Variants in DIAPH3 observed in about 807,000 individuals in gnomAD.
DIAPH3 encodes the protein diaphanous related formin 3.
A neutral mutation model predicts 144.3 loss-of-function variants in DIAPH3; 117 were observed. That is an observed-to-expected ratio of 0.81 (90% CI 0.70 to 0.95). The LOEUF (loss-of-function observed/expected upper bound fraction) is 0.95. DIAPH3 is among the 40% of genes least tolerant of loss of function. The pLI, the probability that DIAPH3 is intolerant of heterozygous loss-of-function variation, is 0.00. For synonymous variants in DIAPH3, 519 were observed against 488.9 expected (o/e 1.06, Z -0.81); for missense variants, 1,421 against 1,412.7 (o/e 1.01, Z -0.09).
chr13:59,754,860 C>T (rs4886193), intron 27 of DIAPH3, among the ~76,000 whole-genome samples: 52,267 of 151,888 alleles, frequency 0.34, 9,444 homozygotes, highest in African/African-American at 0.44. Flanking sequence ...TCATGCATTA[C>T]TGGATTTTAA....
intron 3 of DIAPH3, among the ~76,000 whole-genome samples, chr13:60,104,358 G>A (rs1228772780): frequency 6.6e-6 from 1 of 151,946 alleles, no homozygotes; most frequent in African/African-American, 2.4e-5. Flanking sequence ...GTAGACACTG[G>A]ATTACTCAAT....
intron 3 of DIAPH3, among the ~76,000 whole-genome samples, chr13:60,103,958 A>C (rs1045996609): frequency 3.9e-5 from 6 of 152,222 alleles, no homozygotes; most frequent in African/African-American, 1.4e-4. Flanking sequence ...TGAATGGCTT[A>C]GTGCCAAATA....
In DIAPH3 at chr13:59,975,315, G is replaced by A. The variant is rs138676777; in HGVS notation, c.1546-859C>T. On this transcript the variant is annotated intron_variant, in intron 14 of 27. Transcript: ENST00000400324. Reference sequence around the variant, plus strand: ...AATAACAACAATGTAGAACTCCACCGTTTACAAAGGGATTTTATTTTTACT... The same window carrying A: ...AATAACAACAATGTAGAACTCCACCATTTACAAAGGGATTTTATTTTTACT... Among the ~76,000 whole-genome samples the A allele has an allele frequency of 1.1e-4, 16 of 151,958 alleles. No homozygotes were observed. In the South Asian group the frequency reaches 2.3e-3, roughly 22 times the overall value.
intron 25 of DIAPH3, among the ~76,000 whole-genome samples, chr13:59,802,724 G>A (rs236221): frequency 0.61 from 69,478 of 113,646 alleles, 21,370 homozygotes; most frequent in East Asian, 0.69. Flanking sequence ...GCCCAGGCCG[G>A]ACTGCGGACT....
intron 20 of DIAPH3, among the ~76,000 whole-genome samples, chr13:59,900,305 C>G (rs892072304): frequency 6.6e-6 from 1 of 152,168 alleles, no homozygotes; most frequent in African/African-American, 2.4e-5. Context: ...ATTCCATTTT[C>G]TTCCATATGA....
At chr13:59,851,645 T>TA (rs1455253620) in intron 22 of DIAPH3, among the ~76,000 whole-genome samples, 2 of 150,268 alleles carry the variant, frequency 1.3e-5, no homozygotes. Context: ...CTTTTTTTTT[T>TA]TTTTTTTTTT....
At chr13:60,122,805 TAAG>T (rs1395905563) in intron 2 of DIAPH3, among the ~76,000 whole-genome samples, 1 of 151,848 alleles carries the variant, frequency 6.6e-6, no homozygotes, top group Non-Finnish European at 1.5e-5. Flanking sequence ...TATAAGGTAA[TAAG>T]AAAAATATCC....
intron 27 of DIAPH3, among the ~76,000 whole-genome samples, chr13:59,672,252 T>A (rs762650642): frequency 6.6e-6 from 1 of 152,070 alleles, no homozygotes; most frequent in African/African-American, 2.4e-5. Context: ...TTAGTATTGA[T>A]CCCCCCTCAC....
At chr13:60,112,947 A>G (rs1432117619) in intron 2 of DIAPH3, among the ~76,000 whole-genome samples, 1 of 152,204 alleles carries the variant, frequency 6.6e-6, no homozygotes, top group Non-Finnish European at 1.5e-5. Flanking sequence ...AGACTCATAC[A>G]TTTCATGACT....
chr13:60,106,057 T>C (rs2058410260), intron 3 of DIAPH3, among the ~76,000 whole-genome samples: 1 of 152,110 alleles, frequency 6.6e-6, no homozygotes, highest in Admixed American at 6.5e-5. Context: ...TGGAATAAGC[T>C]TAGCAAGATG....
intron 20 of DIAPH3, 55 bp from the exon 21 acceptor site, chr13:59,879,523 C>T (rs571536378): frequency 4.4e-6 from 7 of 1,608,040 alleles, no homozygotes; most frequent in Non-Finnish European, 5.9e-6. Flanking sequence ...TAGTTTAGTA[C>T]TGTACGACTG....
chr13:59,881,530 A>C (rs953625465), intron 20 of DIAPH3, among the ~76,000 whole-genome samples: 4 of 152,226 alleles, frequency 2.6e-5, no homozygotes. Flanking sequence ...AAGAAAAAAG[A>C]GACTGCTTAA....
intron 17 of DIAPH3, among the ~76,000 whole-genome samples, chr13:59,953,826 A>C (rs372739196): frequency 3.4e-4 from 52 of 152,324 alleles, no homozygotes; most frequent in African/African-American, 1.1e-3. Context: ...ATTCCTCAGG[A>C]CCATAAATCT....
At position 60,044,900 on chromosome 13, in the gene DIAPH3, A is replaced by G. The variant is rs115012094; in HGVS notation, c.496-2080T>C. ...GTTCTCACGAGATCTGATGGTTTTA[A>G]AAGGGGCTTTTCCCCCACCTTCGCT... is the stretch of plus-strand genomic sequence containing the variant. On this transcript the variant is annotated intron_variant, in intron 4 of 27. Transcript: ENST00000400324. Among the ~76,000 whole-genome samples the G allele has an allele frequency of 8.3e-3, 1,262 of 152,212 alleles. 21 individuals carry two copies. The highest frequency in any genetic ancestry group is 0.028 in the African/African-American group (1,183 of 41,528).
chr13:60,151,535 T>C (rs1370636828), intron 1 of DIAPH3, among the ~76,000 whole-genome samples: 3 of 152,164 alleles, frequency 2.0e-5, no homozygotes. Flanking sequence ...TAATTATTAA[T>C]AACATTTAAA....
chr13:60,160,321 C>T (rs1325172445), intron 1 of DIAPH3, among the ~76,000 whole-genome samples: 3 of 152,180 alleles, frequency 2.0e-5, no homozygotes, highest in South Asian at 2.1e-4. Context: ...TTGATGGAAA[C>T]GATTAGACGA....
At chr13:59,900,918 T>C (rs2046393908) in intron 20 of DIAPH3, among the ~76,000 whole-genome samples, 1 of 152,214 alleles carries the variant, frequency 6.6e-6, no homozygotes, top group Non-Finnish European at 1.5e-5. Flanking sequence ...CCTAAGAACC[T>C]GGAGTTATTC....
At chr13:59,773,034 A>G (rs962351139) in intron 27 of DIAPH3, among the ~76,000 whole-genome samples, 1 of 152,100 alleles carries the variant, frequency 6.6e-6, no homozygotes, top group Admixed American at 6.6e-5. Context: ...GCCATTGTAA[A>G]ATATGTCACA....
At chr13:59,757,392 CTTTTTTTTTTTT>C (rs558678599) in intron 27 of DIAPH3, among the ~76,000 whole-genome samples, 2 of 93,064 alleles carry the variant, frequency 2.1e-5, no homozygotes, top group Non-Finnish European at 4.0e-5. Context: ...ATGGGTCATC[CTTTTTTTTTTTT>C]TTTTTTTTTT....
Sources: gnomAD v4.1 joint callset for allele counts (sites outside exome capture counted in the v4.1 genomes callset) on GRCh38, gnomAD v4.1.1 for gene constraint, MANE v1.5 for transcripts, NCBI Gene and HGNC (gene_info 2026-07-23, HGNC 2026-07-21) for gene names.